TPTE2: variants seen among roughly 807,000 people sequenced by gnomAD.
The protein encoded by TPTE2 is phosphatidylinositol 3,4,5-trisphosphate 3-phosphatase TPTE2.
In TPTE2, 53 loss-of-function variants were observed where a neutral mutation model predicts 78.6. The ratio of observed to expected loss-of-function variants is 0.67; its 90% confidence interval spans 0.54 to 0.85. The LOEUF is 0.85. TPTE2 is among the 40% of genes least tolerant of loss of function. TPTE2 has a pLI of 0.00. For synonymous variants in TPTE2, 175 were observed against 206.2 expected, an observed-to-expected ratio of 0.85 and a Z score of 1.30; for missense variants, 461 against 623.0, an observed-to-expected ratio of 0.74 and a Z score of 2.77.
At chr13:19,540,280 CATT>C (rs141067657), upstream of TPTE2, among the ~76,000 whole-genome samples, 18,899 of 144,980 alleles carry the variant, frequency 0.13, 1,379 homozygotes, top group Middle Eastern at 0.23. Flanking sequence ...AATTAAATCT[CATT>C]ATTATTATTA....
At chr13:19,495,572 G>A (rs566615683) in intron 1 of TPTE2, among the ~76,000 whole-genome samples, 1 of 152,246 alleles carries the variant, frequency 6.6e-6, no homozygotes, top group East Asian at 1.9e-4. Flanking sequence ...TAGTTTCAAG[G>A]GAACTCCTTG....
chr13:19,493,410 T>C (rs1344265370), intron 2 of TPTE2, 38 bp downstream of exon 5: 6 of 1,600,978 alleles, frequency 3.7e-6, no homozygotes, highest in Non-Finnish European at 5.1e-6. Context: ...TGCACACTTA[T>C]GCTGACGGGT....
At chr13:19,431,136 AAAAAG>A (rs1876567391) in intron 16 of TPTE2, among the ~76,000 whole-genome samples, 1 of 151,854 alleles carries the variant, frequency 6.6e-6, no homozygotes, top group Non-Finnish European at 1.5e-5. Flanking sequence ...CCAAAAAAAA[AAAAAG>A]AAAAAGAAAA....
intron 10 of TPTE2, among the ~76,000 whole-genome samples, chr13:19,455,996 C>T (rs754586227): frequency 2.0e-5 from 3 of 152,042 alleles, no homozygotes; most frequent in Non-Finnish European, 2.9e-5. Context: ...AGGTTGCCTC[C>T]TCTTACCATT....
intron 1 of TPTE2, among the ~76,000 whole-genome samples, chr13:19,521,988 T>C (rs1422880917): frequency 1.3e-5 from 2 of 152,218 alleles, no homozygotes; most frequent in East Asian, 3.8e-4. Flanking sequence ...CCCATTAGTA[T>C]TTCTTATAGA....
At chr13:19,452,270 T>G (rs1353825630) in intron 10 of TPTE2, among the ~76,000 whole-genome samples, 3 of 152,098 alleles carry the variant, frequency 2.0e-5, no homozygotes, top group African/African-American at 7.2e-5. Flanking sequence ...TATGAGAAAT[T>G]TAAGCAAATT....
upstream of TPTE2, among the ~76,000 whole-genome samples, chr13:19,540,991 C>A (rs7996069): frequency 6.7e-3 from 1,020 of 152,330 alleles, 13 homozygotes; most frequent in African/African-American, 0.023. Context: ...TGCTCAGGGT[C>A]TCACAAGGCT....
chr13:19,431,874 C>T (rs773113187), intron 16 of TPTE2, among the ~76,000 whole-genome samples: 3 of 115,066 alleles, frequency 2.6e-5, no homozygotes, highest in African/African-American at 9.2e-5. Flanking sequence ...GAAGCATCGC[C>T]TCCCTGCTAC....
the TPTE2 span, among the ~76,000 whole-genome samples, chr13:19,545,141 G>A: frequency 6.6e-6 from 1 of 152,102 alleles, no homozygotes; most frequent in East Asian, 1.9e-4. Context: ...TGTAAAAGAT[G>A]AAAAGTGCAC....
intron 13 of TPTE2, chr13:19,438,540 A>G (rs1877272776): frequency 1.7e-6 from 1 of 591,654 alleles, no homozygotes; most frequent in South Asian, 7.4e-5. Flanking sequence ...CAGTAGAAGA[A>G]AAGACATTTT....
At chr13:19,533,528 T>C (rs1871010739) in intron 1 of TPTE2, among the ~76,000 whole-genome samples, 1 of 152,210 alleles carries the variant, frequency 6.6e-6, no homozygotes, top group Non-Finnish European at 1.5e-5. Context: ...TATTGGACAG[T>C]GAAGAAAGTG....
chr13:19,490,768 C>T (rs984120874), intron 3 of TPTE2, among the ~76,000 whole-genome samples: 10 of 152,176 alleles, frequency 6.6e-5, no homozygotes, highest in South Asian at 2.1e-4. Flanking sequence ...TGGTAACAGA[C>T]GAAGAGACCA....
chr13:19,491,066 AAC>A (rs895617651), intron 3 of TPTE2, among the ~76,000 whole-genome samples: 1 of 152,218 alleles, frequency 6.6e-6, no homozygotes, highest in Non-Finnish European at 1.5e-5. Context: ...GACTTTAGAA[AAC>A]AGTGTCTAAA....
rs200026753 is a variant in TPTE2 at position 19,512,942 on chromosome 13, A to AT, written c.-43-9666dup. Among the ~76,000 whole-genome samples, 1,006 of 152,288 alleles carry AT rather than the reference A, an allele frequency of 6.6e-3. 9 individuals carry two copies. The highest frequency in any genetic ancestry group is 0.023 in the African/African-American group (946 of 41,550). On this transcript the variant is annotated intron_variant, in intron 1 of 17. Coordinates refer to the TPTE2 transcript ENST00000390680. Reference sequence around the variant, plus strand: ...AGAATCCTTGGGCCATATTAAGGGTATTGTTAAGCTGGCATCTCATAAAGT... The same window carrying AT: ...AGAATCCTTGGGCCATATTAAGGGTATTTGTTAAGCTGGCATCTCATAAAGT...
At chr13:19,447,558 G>A (rs968634979) in intron 13 of TPTE2, among the ~76,000 whole-genome samples, 2 of 152,016 alleles carry the variant, frequency 1.3e-5, no homozygotes, top group Non-Finnish European at 2.9e-5. Context: ...CTAATATACA[G>A]CTAAACACAG....
intron 19 of TPTE2, among the ~76,000 whole-genome samples, chr13:19,424,346 G>A (rs112057120): frequency 1.3e-5 from 2 of 152,090 alleles, no homozygotes. Flanking sequence ...GGTTTTTTTG[G>A]AACAATAATC....
At chr13:19,443,780 AG>A (rs1425809628) in intron 13 of TPTE2, among the ~76,000 whole-genome samples, 12 of 66,850 alleles carry the variant, frequency 1.8e-4, no homozygotes, top group Non-Finnish European at 3.0e-4. Context: ...ACACACACAC[AG>A]TCGTTAAGCA....
intron 7 of TPTE2, among the ~76,000 whole-genome samples, chr13:19,466,104 A>G (rs2137568760): frequency 1.3e-5 from 2 of 152,304 alleles, no homozygotes; most frequent in South Asian, 4.1e-4. Flanking sequence ...GCTAGCTGGT[A>G]TCTCTCCTGC....
At chr13:19,555,526 A>G in the TPTE2 span, among the ~76,000 whole-genome samples, 1 of 152,206 alleles carries the variant, frequency 6.6e-6, no homozygotes, top group African/African-American at 2.4e-5. Flanking sequence ...CTTTAGACTC[A>G]TGCAAGTGTA....
Sources: allele counts gnomAD v4.1 joint callset (sites outside exome capture counted in the v4.1 genomes callset), GRCh38; gene constraint gnomAD v4.1.1; transcripts MANE v1.5; gene names NCBI Gene and HGNC (gene_info 2026-07-23, HGNC 2026-07-21).